NELL2: variants seen among roughly 807,000 people sequenced by gnomAD.
NELL2 encodes the protein neural EGFL like 2, also known as protein kinase C-binding protein NELL2.
Under a neutral mutation model 109.6 loss-of-function variants are expected in NELL2, and 41 were observed. That is an observed-to-expected ratio of 0.37 (90% CI 0.29 to 0.49). The LOEUF is 0.49. Among genes scored for constraint, NELL2 ranks in the 20% least tolerant of loss-of-function variants. The pLI is 0.98. For missense variants in NELL2, 900 were observed against 1,008.3 expected (o/e 0.89, Z 1.45); for synonymous variants, 355 against 344.7 (o/e 1.03, Z -0.33).
chr12:44,864,067 T>C (rs994003658), intron 2 of NELL2, among the ~76,000 whole-genome samples: 2 of 151,756 alleles, frequency 1.3e-5, no homozygotes, highest in African/African-American at 4.8e-5. Flanking sequence ...AATAGATACA[T>C]AAAAGATAAA....
At chr12:44,509,164 T>C (rs1030075890) in intron 19 of NELL2, among the ~76,000 whole-genome samples, 180 bp from the exon 20 acceptor site, 1 of 152,140 alleles carries the variant, frequency 6.6e-6, no homozygotes, top group African/African-American at 2.4e-5. Context: ...ATTATGCCCA[T>C]TGTATTTGTG....
chr12:44,674,977 A>G (rs570281034), intron 12 of NELL2, among the ~76,000 whole-genome samples: 9 of 152,308 alleles, frequency 5.9e-5, no homozygotes, highest in African/African-American at 2.2e-4. Flanking sequence ...CTGAATAAAT[A>G]TCTGTTGAAT....
chr12:44,545,324 T>C (rs932364263), intron 15 of NELL2, among the ~76,000 whole-genome samples: 57 of 152,196 alleles, frequency 3.7e-4, no homozygotes, highest in African/African-American at 1.3e-3. Flanking sequence ...CCTCAGGTCA[T>C]TTTTTGGTTT....
chr12:44,784,799 G>T, intron 3 of NELL2, among the ~76,000 whole-genome samples: 1 of 152,136 alleles, frequency 6.6e-6, no homozygotes, highest in Non-Finnish European at 1.5e-5. Context: ...TATCTCAATA[G>T]ATGCAGAAAA....
chr12:44,694,665 T>C (rs1949004571), intron 12 of NELL2, among the ~76,000 whole-genome samples: 2 of 151,836 alleles, frequency 1.3e-5, no homozygotes, highest in African/African-American at 4.8e-5. Context: ...GCATCATTAA[T>C]GACAGTTTTG....
intron 12 of NELL2, among the ~76,000 whole-genome samples, chr12:44,681,721 T>C (rs1425447997): frequency 2.0e-5 from 3 of 152,178 alleles, no homozygotes; most frequent in Non-Finnish European, 4.4e-5. Flanking sequence ...TCCAATTTCA[T>C]CCATGTCCCT....
chr12:44,515,207 T>C (rs997358420), intron 19 of NELL2, among the ~76,000 whole-genome samples: 1 of 151,576 alleles, frequency 6.6e-6, no homozygotes, highest in African/African-American at 2.4e-5. Flanking sequence ...TCACACTAGG[T>C]GAAAAATAAG....
chr12:44,873,576 G>A (rs1295547166), intron 2 of NELL2, among the ~76,000 whole-genome samples: 1 of 151,976 alleles, frequency 6.6e-6, no homozygotes, highest in Non-Finnish European at 1.5e-5. Context: ...AAAATTTAAA[G>A]GAGCTTTGTA....
At chr12:44,756,060 C>T (rs1940876640) in intron 9 of NELL2, among the ~76,000 whole-genome samples, 1 of 152,148 alleles carries the variant, frequency 6.6e-6, no homozygotes, top group Non-Finnish European at 1.5e-5. Context: ...CACCTTAGAT[C>T]TCACTTCACA....
chr12:44,704,440 A>G (rs994651938), intron 11 of NELL2, among the ~76,000 whole-genome samples: 2 of 152,230 alleles, frequency 1.3e-5, no homozygotes, highest in Non-Finnish European at 2.9e-5. Flanking sequence ...ATTTTTAGGA[A>G]TTATAGAGAT....
chr12:44,711,370 T>A lies in NELL2; in HGVS notation c.1111A>T (p.Ser371Cys). The A allele has an allele frequency of 6.2e-7, 1 of 1,612,424 alleles. No homozygotes were observed. The highest frequency in any genetic ancestry group is 8.5e-7 in the Non-Finnish European group (1 of 1,178,780). ...CKDQTMKLVE[S>C]SGCPALDCPE... The stretch of plus-strand genomic sequence containing the variant: ...CAATCCAAAGCTGGACAGCCTGAAC[T>A]CTCAACAAGTTTCATGGTCTGGTCC... The change falls in exon 11 of 20, where the codon AGT becomes TGT. Residue 371 changes from serine (S) to cysteine (C), a missense_variant. Ser to Cys is a moderately radical substitution (Grantham distance 112). This residue lies in a region of NELL2 where 292 missense variants were observed against 265.3 expected (regional missense o/e 1.10). Transcript: ENST00000429094.
intron 9 of NELL2, among the ~76,000 whole-genome samples, chr12:44,734,712 A>G (rs1035309933): frequency 4.1e-4 from 62 of 152,036 alleles, no homozygotes; most frequent in African/African-American, 1.4e-3. Flanking sequence ...ATATTTTAAC[A>G]TATTTATTCT....
intron 13 of NELL2, among the ~76,000 whole-genome samples, chr12:44,646,965 T>TTGCC (rs1947118407): frequency 6.6e-6 from 1 of 152,144 alleles, no homozygotes; most frequent in Non-Finnish European, 1.5e-5. Flanking sequence ...TAAAAGATGG[T>TTGCC]TAATAAGATT....
At chr12:44,826,657 C>G (rs4306333) in intron 2 of NELL2, among the ~76,000 whole-genome samples, 150,521 of 152,370 alleles carry the variant, frequency 0.99, 74,388 homozygotes, top group East Asian at 1. Context: ...AAAAATGGAA[C>G]CACAGAGAAG....
intron 11 of NELL2, among the ~76,000 whole-genome samples, chr12:44,708,621 C>T (rs530765605): frequency 1.6e-4 from 25 of 152,246 alleles, no homozygotes; most frequent in East Asian, 5.8e-4. Flanking sequence ...CAGGAGAACA[C>T]GTTTATTTCA....
intron 12 of NELL2, among the ~76,000 whole-genome samples, chr12:44,684,292 A>C (rs973725085): frequency 2.0e-5 from 3 of 152,078 alleles, no homozygotes; most frequent in Admixed American, 1.3e-4. Flanking sequence ...TATTGCGTCT[A>C]TTTGATTCTT....
intron 12 of NELL2, among the ~76,000 whole-genome samples, chr12:44,684,242 T>C (rs1948632549): frequency 6.6e-6 from 1 of 152,250 alleles, no homozygotes. Flanking sequence ...GTAGTTTGTA[T>C]TTCTGTGGGA....
chr12:44,520,728 A>T (rs890907227), intron 18 of NELL2, among the ~76,000 whole-genome samples: 2 of 152,108 alleles, frequency 1.3e-5, no homozygotes, highest in Non-Finnish European at 2.9e-5. Flanking sequence ...TTCAGTGTAG[A>T]GACTTTGAAA....
chr12:44,585,410 T>A (rs1944456632), intron 15 of NELL2, among the ~76,000 whole-genome samples: 2 of 152,302 alleles, frequency 1.3e-5, no homozygotes, highest in Middle Eastern at 3.4e-3. Flanking sequence ...GAGACCACCC[T>A]GGCCAACATG....
Sources: gnomAD v4.1 joint callset for allele counts (sites outside exome capture counted in the v4.1 genomes callset) on GRCh38, gnomAD v4.1.1 for gene constraint, gnomAD v4.1.1 regional missense constraint, MANE v1.5 for transcripts, NCBI Gene and HGNC (gene_info 2026-07-23, HGNC 2026-07-21) for gene names.